Variants in TAF6 observed in about 807,000 individuals in gnomAD.
The protein encoded by TAF6 is TATA-box binding protein associated factor 6.
A neutral mutation model predicts 73.5 loss-of-function variants in TAF6; 50 were observed. The observed-to-expected ratio is 0.68, with a 90% CI of 0.54 to 0.86. The LOEUF (loss-of-function observed/expected upper bound fraction) is 0.86. Among genes scored for constraint, TAF6 ranks in the 40% least tolerant of loss-of-function variants. The pLI is 0.00. For synonymous variants in TAF6, 424 were observed against 376.7 expected (o/e 1.13, Z -1.45); for missense variants, 768 against 899.5 (o/e 0.85, Z 1.87).
Position 100,119,260 on chromosome 7 carries a change from T to A in TAF6, c.-116A>T. On this transcript the variant is annotated 5_prime_UTR_variant, in exon 1 of 15. Coordinates refer to ENST00000453269, the MANE Select transcript of TAF6 (RefSeq NM_139315.3). ...CAAAGGGTCTCCTCCGGGGTACCAC[T>A]CAGACCCGCCCCCGCCACCCGAGCG... 3.9e-6 allele frequency: 4 copies of A among 1,028,190 alleles called. No homozygotes were observed. Among genetic ancestry groups the A allele is most frequent in the Non-Finnish European group, 4.7e-6 (4 of 855,154 alleles). 63.7% of individuals were successfully genotyped at this position (1,028,190 alleles called of 1,614,324 possible). A position where few individuals can be genotyped will look rare whatever the true frequency, so the allele number is the denominator to read the frequency against.
chr7:100,111,838 G>A lies in TAF6; in HGVS notation c.799-9C>T, dbSNP rs1473606779. 2 of 1,614,104 alleles carry A rather than the reference G, an allele frequency of 1.2e-6. No individual in the cohort carries two copies. The highest frequency in any genetic ancestry group is 2.2e-5 in the East Asian group (1 of 44,900). On this transcript the variant is annotated splice_polypyrimidine_tract_variant and intron_variant, in intron 8 of 14. Transcript: ENST00000453269. ...ACCACGTTCACACGGACCTGTGGGA[G>A]GGAGAAGTGCTGGGCATGGGGCAGG...
chr7:100,117,978 G>A (rs1430000843), intron 1 of TAF6, among the ~76,000 whole-genome samples: 2 of 151,602 alleles, frequency 1.3e-5, no homozygotes. Context: ...CCCGGGAGGC[G>A]GAGCTTGCAG....
the TAF6 span, among the ~76,000 whole-genome samples, chr7:100,126,113 G>A: frequency 2.0e-5 from 3 of 152,192 alleles, no homozygotes; most frequent in Non-Finnish European, 2.9e-5. Flanking sequence ...GGGAACCCGG[G>A]AGGCGGAGCT....
chr7:100,107,446 G>C lies in TAF6; in HGVS notation c.1834C>G (p.Pro612Ala). ...SVQKYIVVSL[P>A]PTGEGKGGPT... ...CCTCCTTTGCCCTCCCCTGTTGGGG[G>C]AAGTGAGACCACGATGTACTTCTGG... is the stretch of plus-strand genomic sequence containing the variant. Residue 612 changes from proline to alanine, a missense_variant, in exon 15 of 15, where the codon CCC (proline) becomes GCC (alanine). Physicochemically the swap from Pro to Ala is conservative, Grantham distance 27. Transcript: ENST00000453269. 6.2e-7 allele frequency: 1 copy of C among 1,612,654 alleles called. No individual in the cohort carries two copies. The highest frequency in any genetic ancestry group is 1.7e-4 in the Middle Eastern group (1 of 6,052).
intron 8 of TAF6, 46 bp from the exon 9 acceptor site, chr7:100,111,875 A>G (rs1450432627): frequency 1.2e-6 from 2 of 1,614,104 alleles, no homozygotes; most frequent in East Asian, 2.2e-5. Context: ...AGACCCTCAC[A>G]GGAGCTTCCA....
At chr7:100,120,950 G>A (rs922945086), upstream of TAF6, among the ~76,000 whole-genome samples, 3 of 151,796 alleles carry the variant, frequency 2.0e-5, no homozygotes, top group Non-Finnish European at 4.4e-5. Flanking sequence ...GCATACAGAA[G>A]GAGCTCAATA....
At position 100,113,662 on chromosome 7, in the gene TAF6, G is replaced by A. The variant is rs1413699895; in HGVS notation, c.351C>T (p.Ile117=). The A allele has an allele frequency of 6.2e-7, 1 of 1,613,972 alleles. No homozygotes were observed. Among genetic ancestry groups the A allele is most frequent in the East Asian group, 2.2e-5 (1 of 44,886 alleles). The part of the protein sequence containing the change: ...YEEKEVDLSD[I]INTPLPRVPL... ...GCACCCGGGGCAGAGGGGTATTGATGATGTCGCTCAGATCAACCTCCTTCT... is the reference window on the plus strand; with the variant it reads ...GCACCCGGGGCAGAGGGGTATTGATAATGTCGCTCAGATCAACCTCCTTCT... Residue 117 remains isoleucine (I), a synonymous_variant, in exon 4 of 15, where the codon ATC becomes ATT. Transcript: ENST00000453269.
At chr7:100,124,951 TC>T in the TAF6 span, 1 of 1,511,992 alleles carries the variant, frequency 6.6e-7, no homozygotes, top group Non-Finnish European at 8.9e-7. Flanking sequence ...GCCTGCACTC[TC>T]CCTGCTCCAC....
chr7:100,113,094 G>A (rs1267422414), intron 5 of TAF6, among the ~76,000 whole-genome samples, 177 bp from the exon 6 acceptor site: 2 of 151,628 alleles, frequency 1.3e-5, no homozygotes, highest in African/African-American at 2.4e-5. Context: ...GTGAAACCTC[G>A]TGTCTACTAA....
chr7:100,112,807 C>A lies in TAF6; in HGVS notation c.565G>T (p.Asp189Tyr), dbSNP rs1053488951. The stretch of plus-strand genomic sequence containing the variant: ...GCCTAGGAGGACTGACCTTTGCCGT[C>A]GGCTGTGGTGGCCCCTTGACCTTTG... ...KGKGQGATTA[D>Y]GKGKEKKAPP... The change falls in exon 6 of 15, where the codon GAC (aspartate) becomes TAC (tyrosine). Residue 189 changes from aspartate (D) to tyrosine (Y), a missense_variant. Physicochemically the swap from Asp to Tyr is radical, Grantham distance 160 (BLOSUM62 -3). Coordinates refer to ENST00000453269, the MANE Select transcript of TAF6 (RefSeq NM_139315.3). The A allele has an allele frequency of 6.2e-7, 1 of 1,612,808 alleles. No homozygotes were observed. Among genetic ancestry groups the A allele is most frequent in the South Asian group, 1.1e-5 (1 of 90,980 alleles).
At chr7:100,110,996 G>A (rs4134910) in intron 10 of TAF6, 143 bp downstream of exon 10, 6 of 834,346 alleles carry the variant, frequency 7.2e-6, no homozygotes, top group African/African-American at 5.7e-5. Flanking sequence ...AAAAAAAAAA[G>A]GTATTACAGA....
chr7:100,124,804 G>GGAGGAGGAA (rs753779348), upstream of TAF6: 9 of 1,613,520 alleles, frequency 5.6e-6, no homozygotes, highest in African/African-American at 4.0e-5. Context: ...AGCAGGAGGA[G>GGAGGAGGAA]GAGGAGGAAG....
chr7:100,107,908 T>C lies in TAF6; in HGVS notation c.1656+18A>G, dbSNP rs749322246. ...ACCCAGGCCCTCCAGATGCTCCCTG[T>C]CCCACAGCTCTGCATACCTGCTGGG... On this transcript the variant is annotated intron_variant, in intron 14 of 14. Transcript: ENST00000453269. The C allele has an allele frequency of 3.1e-6, 5 of 1,589,958 alleles. No individual in the cohort carries two copies. The highest frequency in any genetic ancestry group is 2.3e-5 in the South Asian group (2 of 86,988).
At chr7:100,107,858 G>T in intron 14 of TAF6, 68 bp downstream of exon 14, 1 of 1,531,832 alleles carries the variant, frequency 6.5e-7, no homozygotes, top group South Asian at 1.3e-5. Flanking sequence ...TCTACTCCTG[G>T]GCCTCCCCAG....
the TAF6 span, among the ~76,000 whole-genome samples, chr7:100,126,043 G>A: frequency 6.6e-6 from 1 of 152,116 alleles, no homozygotes; most frequent in Non-Finnish European, 1.5e-5. Context: ...AAAATTAGCC[G>A]GGTGTGGTGG....
At chr7:100,121,821 C>CGGGCGG (rs1427146919), upstream of TAF6, among the ~76,000 whole-genome samples, 2 of 151,700 alleles carry the variant, frequency 1.3e-5, no homozygotes, top group African/African-American at 4.8e-5. Flanking sequence ...GAGGCCAAGG[C>CGGGCGG]GGGCGGATCA....
chr7:100,124,764 A>G, upstream of TAF6: 1 of 1,613,904 alleles, frequency 6.2e-7, no homozygotes, highest in Non-Finnish European at 8.5e-7. Context: ...GAGATCACAG[A>G]TGGGGAAGAG....
upstream of TAF6, among the ~76,000 whole-genome samples, chr7:100,124,139 A>C (rs1798153917): frequency 6.6e-6 from 1 of 151,142 alleles, no homozygotes; most frequent in Non-Finnish European, 1.5e-5. Context: ...TCCATCTCAA[A>C]AAAAAAAAAA....
Position 100,113,933 on chromosome 7 carries a change from T to C in TAF6, c.178A>G (p.Met60Val), listed in dbSNP as rs375914370. 2.5e-6 allele frequency: 4 copies of C among 1,613,700 alleles called. No individual in the cohort carries two copies. The highest frequency in any genetic ancestry group is 1.3e-5 in the African/African-American group (1 of 74,804). The stretch of plus-strand genomic sequence containing the variant: ...GTGGTGAGCTTCTGCCGCTTCCCCA[T>C]GTGCATGAACTTCAAGGCATCCTGG... ...IAQDALKFMH[M>V]GKRQKLTTSD... The change falls in exon 3 of 15, where the codon ATG becomes GTG. Residue 60 changes from methionine to valine, a missense_variant. By Grantham distance (21) the Met-to-Val change is conservative. Around this residue, in one of 5 missense-constraint regions of TAF6, gnomAD observed 269 missense variants for 268.0 expected, o/e 1.00. Coordinates refer to ENST00000453269, the MANE Select transcript of TAF6 (RefSeq NM_139315.3).
Sources: gnomAD v4.1 joint callset for allele counts (sites outside exome capture counted in the v4.1 genomes callset) on GRCh38, gnomAD v4.1.1 for gene constraint, gnomAD v4.1.1 regional missense constraint, MANE v1.5 for transcripts, NCBI Gene and HGNC (gene_info 2026-07-23, HGNC 2026-07-21) for gene names.